Variants in AKAP19 observed in about 807,000 individuals in gnomAD.
The protein encoded by AKAP19 is A-kinase anchoring protein 19, also known as small A-kinase anchoring protein.
chr2:189,970,968 G>A, the AKAP19 span, among the ~76,000 whole-genome samples: 7 of 151,918 alleles, frequency 4.6e-5, no homozygotes, highest in Non-Finnish European at 7.4e-5. Context: ...TTGACCATTT[G>A]TTTTTCTTTT....
chr2:190,012,338 T>G, the AKAP19 span, among the ~76,000 whole-genome samples: 1 of 152,294 alleles, frequency 6.6e-6, no homozygotes, highest in Admixed American at 6.5e-5. Flanking sequence ...ATATTTTACC[T>G]CCTTGGTTAA....
chr2:190,190,715 T>G, the AKAP19 span, among the ~76,000 whole-genome samples: 1 of 152,204 alleles, frequency 6.6e-6, no homozygotes, highest in Non-Finnish European at 1.5e-5. Context: ...GCACTGGGGT[T>G]TTTTAAATTT....
the AKAP19 span, among the ~76,000 whole-genome samples, chr2:190,178,173 T>C: frequency 9.2e-5 from 14 of 152,326 alleles, no homozygotes; most frequent in African/African-American, 2.9e-4. This position sits in a 1 kb window ranked among gnomAD's most constrained non-coding sequence, Gnocchi z 6.3. Flanking sequence ...AGAAATGCTA[T>C]GCCCTGACTC....
chr2:190,143,284 G>GA, the AKAP19 span, among the ~76,000 whole-genome samples: 62,067 of 118,858 alleles, frequency 0.52, 16,824 homozygotes, highest in Middle Eastern at 0.62. Flanking sequence ...TATCCTGTAG[G>GA]AAAAAAAAAA....
At chr2:189,930,958 T>C in the AKAP19 span, 1 of 820,452 alleles carries the variant, frequency 1.2e-6, no homozygotes, top group South Asian at 1.6e-5. Flanking sequence ...GGACTGAGAC[T>C]CCTGAAGCAG....
the AKAP19 span, among the ~76,000 whole-genome samples, chr2:190,047,611 G>A: frequency 6.6e-6 from 1 of 152,196 alleles, no homozygotes; most frequent in Non-Finnish European, 1.5e-5. Flanking sequence ...AGTTCCCGCA[G>A]TAGTACAAGT....
At chr2:190,185,438 A>C in the AKAP19 span, among the ~76,000 whole-genome samples, 1 of 152,178 alleles carries the variant, frequency 6.6e-6, no homozygotes, top group African/African-American at 2.4e-5. Context: ...CAAAATGATA[A>C]AGCGGGAAGA....
At chr2:189,988,006 T>C in the AKAP19 span, among the ~76,000 whole-genome samples, 1 of 149,600 alleles carries the variant, frequency 6.7e-6, no homozygotes, top group African/African-American at 2.5e-5. Context: ...TGGATGGGGG[T>C]GGTGGCGGGG....
chr2:189,979,353 T>C, the AKAP19 span, among the ~76,000 whole-genome samples: 1 of 152,156 alleles, frequency 6.6e-6, no homozygotes, highest in Admixed American at 6.5e-5. Flanking sequence ...CAATAAATGG[T>C]GCTGGGAAAA....
At chr2:189,957,956 G>C in the AKAP19 span, among the ~76,000 whole-genome samples, 1 of 151,992 alleles carries the variant, frequency 6.6e-6, no homozygotes, top group Non-Finnish European at 1.5e-5. Context: ...ACCACACCTG[G>C]CTAATTTTTG....
At chr2:190,062,169 AAC>A in the AKAP19 span, 2 of 1,596,050 alleles carry the variant, frequency 1.3e-6, no homozygotes, top group South Asian at 2.2e-5. Flanking sequence ...GTTTCTCATA[AAC>A]ACTAGAACAA....
At chr2:190,161,010 A>T in the AKAP19 span, among the ~76,000 whole-genome samples, 1 of 152,204 alleles carries the variant, frequency 6.6e-6, no homozygotes. Flanking sequence ...TTTATAGATA[A>T]GCAAATTGTC....
chr2:190,071,996 G>A, the AKAP19 span, among the ~76,000 whole-genome samples: 1 of 152,094 alleles, frequency 6.6e-6, no homozygotes, highest in East Asian at 1.9e-4. Context: ...AGCATGGAAC[G>A]ATTTAATAAA....
At chr2:190,006,409 A>C in the AKAP19 span, among the ~76,000 whole-genome samples, 1 of 152,086 alleles carries the variant, frequency 6.6e-6, no homozygotes, top group East Asian at 1.9e-4. Flanking sequence ...GCACTTTGGG[A>C]GGCAGAGACG....
the AKAP19 span, among the ~76,000 whole-genome samples, chr2:190,167,481 GT>G: frequency 1.3e-5 from 2 of 152,262 alleles, no homozygotes; most frequent in African/African-American, 4.8e-5. Flanking sequence ...GTCCCCTGGA[GT>G]CTTAACTCAT....
At chr2:190,131,808 T>C in the AKAP19 span, among the ~76,000 whole-genome samples, 1 of 152,082 alleles carries the variant, frequency 6.6e-6, no homozygotes, top group African/African-American at 2.4e-5. Context: ...AATTGCTTGG[T>C]ATGTAGAGGA....
the AKAP19 span, among the ~76,000 whole-genome samples, chr2:190,151,565 A>G: frequency 2.0e-5 from 3 of 152,232 alleles, no homozygotes; most frequent in South Asian, 6.2e-4. Context: ...GCTGCATAGT[A>G]TTCCATGGTG....
At chr2:189,960,542 T>C in the AKAP19 span, among the ~76,000 whole-genome samples, 1 of 152,186 alleles carries the variant, frequency 6.6e-6, no homozygotes, top group African/African-American at 2.4e-5. Flanking sequence ...GGACCCAAGC[T>C]TATGATAAAG....
At chr2:190,184,847 G>T in the AKAP19 span, among the ~76,000 whole-genome samples, 3 of 152,250 alleles carry the variant, frequency 2.0e-5, no homozygotes, top group South Asian at 6.2e-4. Flanking sequence ...GAGAAATTAA[G>T]TCCATTGGGT....
Sources: allele counts gnomAD v4.1 joint callset (sites outside exome capture counted in the v4.1 genomes callset), GRCh38; gene constraint gnomAD v4.1.1; non-coding constraint Gnocchi (gnomAD v3.1); transcripts MANE v1.5; gene names NCBI Gene and HGNC (gene_info 2026-07-23, HGNC 2026-07-21).